Variants in MCF2L observed in about 807,000 individuals in gnomAD.
MCF2L encodes guanine nucleotide exchange factor DBS.
In MCF2L, 97 loss-of-function variants were observed where a neutral mutation model predicts 153.4. That is an observed-to-expected ratio of 0.63 (90% confidence interval 0.54 to 0.75). MCF2L has a LOEUF of 0.75. Ranked by LOEUF, MCF2L falls within the 30% of genes least tolerant of loss-of-function variation. The pLI is 0.00. For missense variants in MCF2L, 1,347 were observed against 1,495.2 expected (o/e 0.90, Z 1.64); for synonymous variants, 659 against 632.2 (o/e 1.04, Z -0.64).
rs2035654442 is a variant in MCF2L, at chr13:113,096,353, C to T, written c.3076-18C>T. On this transcript the variant is annotated intron_variant, in intron 27 of 29. Transcript: ENST00000535094. ...GCGGGTGCTGACGCTGTCTGTGCCC[C>T]TGCCCGTCTCCCACCAGGTTCCAGG... is the stretch of plus-strand genomic sequence containing the variant. 1.3e-6 allele frequency: 2 copies of T among 1,540,902 alleles called. No homozygotes were observed. Among genetic ancestry groups the T allele is most frequent in the Non-Finnish European group, 8.8e-7 (1 of 1,137,474 alleles).
chr13:112,912,312 T>C (rs976097955), intron 2 of MCF2L, among the ~76,000 whole-genome samples: 9 of 151,850 alleles, frequency 5.9e-5, no homozygotes, highest in African/African-American at 1.9e-4. Flanking sequence ...TTAAATCTAT[T>C]AATTTATTCC....
At chr13:112,924,032 G>T (rs755433992) in intron 2 of MCF2L, among the ~76,000 whole-genome samples, 1 of 152,128 alleles carries the variant, frequency 6.6e-6, no homozygotes, top group Non-Finnish European at 1.5e-5. Flanking sequence ...CGTCCTATCA[G>T]GAAGCATACG....
chr13:112,911,427 C>T lies in MCF2L; in HGVS notation c.169+9056C>T, dbSNP rs139042576. On this transcript the variant is annotated intron_variant, in intron 2 of 29. Coordinates refer to the MCF2L transcript ENST00000375608. ...CTGGGAGAGCGGCCCAGCCGCTAGTCCTGTGCGCCCACCAGGTTCTTCTCT... is the reference window on the plus strand; with the variant it reads ...CTGGGAGAGCGGCCCAGCCGCTAGTTCTGTGCGCCCACCAGGTTCTTCTCT... 5.4e-3 allele frequency among the ~76,000 whole-genome samples: 822 copies of T among 152,338 alleles called. 7 individuals are homozygous for T. Among genetic ancestry groups the T allele is most frequent in the African/African-American group, 0.018 (757 of 41,586 alleles).
intron 2 of MCF2L, among the ~76,000 whole-genome samples, chr13:112,902,798 C>CCT (rs2081132497): frequency 6.6e-6 from 1 of 152,220 alleles, no homozygotes; most frequent in Non-Finnish European, 1.5e-5. Flanking sequence ...CATGGCAAAG[C>CCT]CTCAGCTGGT....
intron 1 of MCF2L, among the ~76,000 whole-genome samples, chr13:113,003,112 G>A (rs1448086011): frequency 1.3e-5 from 2 of 152,240 alleles, no homozygotes; most frequent in East Asian, 3.8e-4. Context: ...GGAGGTCAAG[G>A]CTACAATAAG....
intron 24 of MCF2L, 26 bp downstream of exon 24, chr13:113,088,431 T>C (rs1453893797): frequency 6.2e-7 from 1 of 1,612,620 alleles, no homozygotes; most frequent in Non-Finnish European, 8.5e-7. Flanking sequence ...AGCGATCGTT[T>C]CCCGTAGCTT....
intron 3 of MCF2L, among the ~76,000 whole-genome samples, chr13:113,032,728 C>A (rs1400733666): frequency 6.6e-6 from 1 of 152,180 alleles, no homozygotes; most frequent in Non-Finnish European, 1.5e-5. Context: ...AGCCACCACA[C>A]CCGGCTAATT....
intron 4 of MCF2L, among the ~76,000 whole-genome samples, chr13:113,049,051 G>A (rs751129914): frequency 6.6e-5 from 10 of 152,182 alleles, no homozygotes; most frequent in South Asian, 4.1e-4. Context: ...GGAGCCCGCC[G>A]CCTCCAGAAG....
chr13:112,929,833 G>A (rs2081443758), intron 2 of MCF2L, among the ~76,000 whole-genome samples: 1 of 152,248 alleles, frequency 6.6e-6, no homozygotes, highest in African/African-American at 2.4e-5. Flanking sequence ...TGAGTTAGCA[G>A]TTGGCTGCTT....
At chr13:112,954,947 G>T (rs2140726810) in intron 2 of MCF2L, among the ~76,000 whole-genome samples, 1 of 152,354 alleles carries the variant, frequency 6.6e-6, no homozygotes, top group South Asian at 2.1e-4. Context: ...GGCTGTGGCT[G>T]CAGGGTCCCA....
intron 2 of MCF2L, among the ~76,000 whole-genome samples, chr13:112,905,283 C>A (rs1011061086): frequency 6.6e-6 from 1 of 152,328 alleles, no homozygotes; most frequent in South Asian, 2.1e-4. Context: ...TCCCCATTGG[C>A]TGGAGTCAGA....
At chr13:112,958,952 T>C (rs1199581525) in intron 2 of MCF2L, among the ~76,000 whole-genome samples, 3 of 151,838 alleles carry the variant, frequency 2.0e-5, no homozygotes, top group African/African-American at 7.3e-5. Flanking sequence ...TGGCTGCACC[T>C]CCCCCCGGAG....
At chr13:112,920,164 G>A (rs550751739) in intron 2 of MCF2L, among the ~76,000 whole-genome samples, 3 of 152,164 alleles carry the variant, frequency 2.0e-5, no homozygotes, top group Non-Finnish European at 4.4e-5. Flanking sequence ...AGACAAGCCC[G>A]TGTTACCTGG....
intron 1 of MCF2L, among the ~76,000 whole-genome samples, chr13:113,011,116 GA>G (rs1193740231): frequency 2.6e-5 from 4 of 152,224 alleles, no homozygotes; most frequent in African/African-American, 9.6e-5. Flanking sequence ...CCCGCCTGCA[GA>G]AGGCCTCCAT....
At chr13:112,897,691 C>T (rs565402570) in intron 1 of MCF2L, among the ~76,000 whole-genome samples, 15 of 152,332 alleles carry the variant, frequency 9.8e-5, no homozygotes, top group South Asian at 6.2e-4. Flanking sequence ...GTGTTTTCTT[C>T]GCAGTCACCA....
Position 113,046,340 on chromosome 13 carries a change from C to A in MCF2L, c.369+979C>A. The A allele has an allele frequency of 3.1e-6, 1 of 317,762 alleles. No homozygotes were observed. The highest frequency in any genetic ancestry group is 1.1e-3 in the Middle Eastern group (1 of 886). 19.7% of individuals were successfully genotyped at this position (317,762 alleles called of 1,614,324 possible). ...GTTCTCACGCCCGCCACAGCCCGTC[C>A]CTCCCAGGCTCTGGGACCCTGGGTC... is the stretch of plus-strand genomic sequence containing the variant. On this transcript the variant is annotated intron_variant, in intron 4 of 29. Coordinates refer to ENST00000535094, the MANE Select transcript of MCF2L (RefSeq NM_001112732.3). This position sits in a 1 kb window ranked among gnomAD's most constrained non-coding sequence, Gnocchi z 4.4.
intron 1 of MCF2L, among the ~76,000 whole-genome samples, chr13:112,897,533 GA>G (rs1485196858): frequency 6.6e-6 from 1 of 152,184 alleles, no homozygotes; most frequent in African/African-American, 2.4e-5. Flanking sequence ...CGTCCCGGAT[GA>G]AATGTAGGAT....
rs930121133 is a variant in MCF2L, at chr13:112,897,971, G to A, written c.-5+3540G>A. On this transcript the variant is annotated intron_variant, in intron 1 of 29. Transcript: ENST00000375608. ...CAGCCCTGGAGGTGCCATGTGGCCC[G>A]TCCAGCCCCAGCCCCGGCCCCGGCC... is the stretch of plus-strand genomic sequence containing the variant. Among the ~76,000 whole-genome samples, 9 of 151,804 alleles carry A rather than the reference G, an allele frequency of 5.9e-5. No homozygotes were observed. The East Asian group carries it at 7.7e-4, about 13-fold the overall frequency.
At chr13:113,061,995 G>A (rs2031583653) in intron 5 of MCF2L, among the ~76,000 whole-genome samples, 1 of 145,672 alleles carries the variant, frequency 6.9e-6, no homozygotes, top group African/African-American at 2.6e-5. Flanking sequence ...TGACCCTGGT[G>A]CCTGGCCTGG....
Sources: allele counts gnomAD v4.1 joint callset (sites outside exome capture counted in the v4.1 genomes callset), GRCh38; gene constraint gnomAD v4.1.1; non-coding constraint Gnocchi (gnomAD v3.1); transcripts MANE v1.5; gene names NCBI Gene and HGNC (gene_info 2026-07-23, HGNC 2026-07-21).